Variants in IRAK4 observed in about 807,000 individuals in gnomAD.
IRAK4 encodes interleukin-1 receptor-associated kinase 4.
Under a neutral mutation model 51.8 loss-of-function variants are expected in IRAK4, and 44 were observed. That is an observed-to-expected ratio of 0.85 (90% CI 0.67 to 1.09). The LOEUF (loss-of-function observed/expected upper bound fraction) is 1.09, where lower values mean the gene tolerates loss of function less well. IRAK4 is among the 50% of genes least tolerant of loss of function. The probability of loss-of-function intolerance (pLI) is 0.00; values close to 1 mark genes in which losing one functional copy is unlikely to be tolerated. For missense variants in IRAK4, 487 were observed against 538.0 expected (o/e 0.91, Z 0.94); for synonymous variants, 149 against 174.1 (o/e 0.86, Z 1.13).
chr12:43,760,230 GC>G (rs1205211565), intron 1 of IRAK4, among the ~76,000 whole-genome samples: 25 of 150,850 alleles, frequency 1.7e-4, no homozygotes, highest in Non-Finnish European at 3.5e-4. Context: ...TCAGCCCATA[GC>G]TTTCTATTGG....
At chr12:43,763,875 C>T (rs1376345100) in intron 1 of IRAK4, among the ~76,000 whole-genome samples, 1 of 152,150 alleles carries the variant, frequency 6.6e-6, no homozygotes, top group Non-Finnish European at 1.5e-5. Flanking sequence ...GTCTATTTGA[C>T]CTCTCTGAGT....
At chr12:43,782,687 A>T (rs1266043158) in intron 9 of IRAK4, among the ~76,000 whole-genome samples, 197 bp downstream of exon 9, 2 of 152,204 alleles carry the variant, frequency 1.3e-5, no homozygotes, top group Non-Finnish European at 2.9e-5. Flanking sequence ...GATTTTTGAA[A>T]TGACTACAAG....
chr12:43,764,569 A>T (rs543626602), intron 1 of IRAK4, among the ~76,000 whole-genome samples: 1 of 152,334 alleles, frequency 6.6e-6, no homozygotes, highest in South Asian at 2.1e-4. Context: ...TCTTTTTTAC[A>T]TTATTAACTG....
At chr12:43,786,267 G>T in intron 10 of IRAK4, 132 bp from the exon 11 acceptor site, 2 of 551,488 alleles carry the variant, frequency 3.6e-6, no homozygotes, top group Non-Finnish European at 5.3e-6. Flanking sequence ...TTCTTAATAA[G>T]GTTTTAAGAT....
At position 43,758,970 on chromosome 12, in the gene IRAK4, T is replaced by C. The variant is rs1352201738; in HGVS notation, c.-56T>C. The C allele has an allele frequency of 1.3e-5, 2 of 152,914 alleles. No homozygotes were observed. The highest frequency in any genetic ancestry group is 2.9e-5 in the Non-Finnish European group (2 of 68,810). 9.5% of individuals were successfully genotyped at this position (152,914 alleles called of 1,614,324 possible). A position where few individuals can be genotyped will look rare whatever the true frequency, so the allele number is the denominator to read the frequency against. On this transcript the variant is annotated 5_prime_UTR_variant, in exon 1 of 12. Transcript: ENST00000613694. ...CCGCCCCTTCGCGGCGCTTCCTAGTTCGGCTGGTTCTTCTGTCGCCGGCTT... is the reference window on the plus strand; with the variant it reads ...CCGCCCCTTCGCGGCGCTTCCTAGTCCGGCTGGTTCTTCTGTCGCCGGCTT...
At chr12:43,780,541 T>C (rs1286662609) in intron 8 of IRAK4, among the ~76,000 whole-genome samples, 1 of 151,918 alleles carries the variant, frequency 6.6e-6, no homozygotes, top group African/African-American at 2.4e-5. Flanking sequence ...CTTGTGTTCT[T>C]ATATCATTGT....
rs748103661 is a variant in IRAK4, at chr12:43,786,661, TTTTC to T, written c.1348-11_1348-8del. On this transcript the variant is annotated splice_polypyrimidine_tract_variant and intron_variant, in intron 11 of 11. Transcript: ENST00000613694. Reference sequence around the variant, plus strand: ...ACTGTATAATGTGGTTCTTTTGTTTTTTTCTTTCTTTTTAAAAGGTTCAACAGCT... The same window carrying T: ...ACTGTATAATGTGGTTCTTTTGTTTTTTTCTTTTTAAAAGGTTCAACAGCT... 6.8e-6 allele frequency: 11 copies of T among 1,612,734 alleles called. No homozygotes were observed. In the South Asian group the frequency reaches 1.2e-4, roughly 18 times the overall value.
chr12:43,768,358 G>A, intron 2 of IRAK4, 86 bp downstream of exon 2: 1 of 1,006,312 alleles, frequency 9.9e-7, no homozygotes, highest in Non-Finnish European at 1.5e-6. Context: ...TAATGTGGCA[G>A]TTTAGAAAGT....
intron 2 of IRAK4, chr12:43,768,483 C>A: frequency 2.5e-6 from 1 of 402,978 alleles, no homozygotes; most frequent in Non-Finnish European, 4.4e-6. Context: ...TGTGATCTCT[C>A]AAATAAGTTT....
chr12:43,773,205 T>A lies in IRAK4; in HGVS notation c.651+133T>A, dbSNP rs1440086284. ...TTTAAATAAACATCATTCTAAATAG[T>A]AGTTCTTAAAATTTTAAAATCTGTT... On this transcript the variant is annotated intron_variant, in intron 5 of 11. Coordinates refer to ENST00000613694, the MANE Select transcript of IRAK4 (RefSeq NM_016123.4). 12 of 886,430 alleles carry A rather than the reference T, an allele frequency of 1.4e-5. No individual in the cohort carries two copies. In the Admixed American group the frequency reaches 2.8e-4, roughly 21 times the overall value. The allele number at this position is 886,430 out of a possible 1,614,324, so 54.9% of individuals were successfully genotyped here.
chr12:43,784,012 T>C (rs1413108318), intron 10 of IRAK4, among the ~76,000 whole-genome samples: 1 of 152,166 alleles, frequency 6.6e-6, no homozygotes, highest in Non-Finnish European at 1.5e-5. Context: ...CTTATGTTTA[T>C]TTTGTGTCAC....
In IRAK4 at chr12:43,773,954, T is replaced by C. The variant is rs752055069; in HGVS notation, c.652-11T>C. ...TTGTGTAGTATTACATTGTATATTT[T>C]ATTTTTTCAGATGGTTGACATTACT... is the stretch of plus-strand genomic sequence containing the variant. On this transcript the variant is annotated splice_polypyrimidine_tract_variant and intron_variant, in intron 5 of 11. Coordinates refer to ENST00000613694, the MANE Select transcript of IRAK4 (RefSeq NM_016123.4). 6.4e-7 allele frequency: 1 copy of C among 1,565,966 alleles called. No homozygotes were observed. The highest frequency in any genetic ancestry group is 8.8e-7 in the Non-Finnish European group (1 of 1,137,356).
chr12:43,762,091 G>T (rs909036590), intron 1 of IRAK4, among the ~76,000 whole-genome samples: 1 of 152,072 alleles, frequency 6.6e-6, no homozygotes, highest in Non-Finnish European at 1.5e-5. Flanking sequence ...AAAGCAAAAT[G>T]AAAACAAAAC....
At chr12:43,782,188 A>T (rs1190774352) in intron 8 of IRAK4, 119 bp from the exon 9 acceptor site, 1 of 699,660 alleles carries the variant, frequency 1.4e-6, no homozygotes, top group Non-Finnish European at 2.6e-6. Flanking sequence ...ATGTATGTAC[A>T]TATGCATGTA....
In IRAK4 at chr12:43,777,646, T is replaced by G; in HGVS notation, c.733T>G (p.Leu245Val). 1 of 1,607,080 alleles carries G rather than the reference T, an allele frequency of 6.2e-7. No individual in the cohort carries two copies. The highest frequency in any genetic ancestry group is 1.1e-5 in the South Asian group (1 of 88,798). The stretch of plus-strand genomic sequence containing the variant: ...TTGTCACAGGTGTCAACATGAAAAC[T>G]TAGTAGAACTACTTGGTTTCTCAAG... ...KVMAKCQHEN[L>V]VELLGFSSDG... is the part of the protein sequence containing the mutation. Residue 245 changes from leucine to valine, a missense_variant, in exon 7 of 12, where the codon TTA becomes GTA. By Grantham distance (32) the Leu-to-Val change is conservative. Transcript: ENST00000613694.
chr12:43,765,195 T>G (rs1277287563), intron 1 of IRAK4, among the ~76,000 whole-genome samples: 3 of 152,254 alleles, frequency 2.0e-5, no homozygotes, highest in Non-Finnish European at 2.9e-5. Flanking sequence ...TTGCTCAACT[T>G]TAATTTTCAG....
intron 1 of IRAK4, among the ~76,000 whole-genome samples, chr12:43,764,830 C>T (rs1272844339): frequency 6.6e-6 from 1 of 152,204 alleles, no homozygotes; most frequent in African/African-American, 2.4e-5. Flanking sequence ...TTTAGAAACA[C>T]TTAGAAAAGC....
At chr12:43,760,283 C>T (rs1939367971) in intron 1 of IRAK4, among the ~76,000 whole-genome samples, 1 of 152,216 alleles carries the variant, frequency 6.6e-6, no homozygotes, top group African/African-American at 2.4e-5. Flanking sequence ...TGCTCTGCTA[C>T]GACCCTGGTC....
chr12:43,782,219 C>G, intron 8 of IRAK4, 88 bp from the exon 9 acceptor site: 1 of 786,882 alleles, frequency 1.3e-6, no homozygotes, highest in Non-Finnish European at 2.3e-6. Flanking sequence ...TATATACATG[C>G]ATACATACGT....
Sources: gnomAD v4.1 joint callset for allele counts (sites outside exome capture counted in the v4.1 genomes callset) on GRCh38, gnomAD v4.1.1 for gene constraint, MANE v1.5 for transcripts, NCBI Gene and HGNC (gene_info 2026-07-23, HGNC 2026-07-21) for gene names.